Variants in FBXL7 observed in about 807,000 individuals in gnomAD.
FBXL7 encodes the protein F-box/LRR-repeat protein 7.
In FBXL7, 12 loss-of-function variants were observed where a neutral mutation model predicts 38.3. That is an observed-to-expected ratio of 0.31 (90% CI 0.20 to 0.51). The LOEUF (loss-of-function observed/expected upper bound fraction) is 0.51. Among genes scored for constraint, FBXL7 ranks in the 20% least tolerant of loss-of-function variants. FBXL7 has a pLI of 0.98. For synonymous variants in FBXL7, 297 were observed against 300.9 expected, an observed-to-expected ratio of 0.99 and a Z score of 0.13; for missense variants, 567 against 676.4, an observed-to-expected ratio of 0.84 and a Z score of 1.79.
chr5:15,637,328 T>C (rs1741219198), intron 2 of FBXL7, among the ~76,000 whole-genome samples: 1 of 152,118 alleles, frequency 6.6e-6, no homozygotes, highest in Non-Finnish European at 1.5e-5. Flanking sequence ...GAATACCACA[T>C]CTTTGGGGAT....
At chr5:15,757,191 T>C (rs1171663189) in intron 2 of FBXL7, among the ~76,000 whole-genome samples, 1 of 152,178 alleles carries the variant, frequency 6.6e-6, no homozygotes, top group African/African-American at 2.4e-5. Context: ...TCACAATCCT[T>C]TCATAGGAGA....
intron 2 of FBXL7, among the ~76,000 whole-genome samples, chr5:15,752,027 A>G (rs1401083336): frequency 1.3e-5 from 2 of 152,232 alleles, no homozygotes; most frequent in African/African-American, 4.8e-5. Context: ...CTCCTTTTGC[A>G]AAAGTTTGAA....
At position 15,927,882 on chromosome 5, in the gene FBXL7, T is replaced by A. The variant is rs369891871; in HGVS notation, c.128-8T>A. 1 of 1,515,496 alleles carries A rather than the reference T, an allele frequency of 6.6e-7. No homozygotes were observed. The highest frequency in any genetic ancestry group is 8.8e-7 in the Non-Finnish European group (1 of 1,131,838). 93.9% of individuals were successfully genotyped at this position (1,515,496 alleles called of 1,614,324 possible). On this transcript the variant is annotated splice_polypyrimidine_tract_variant and splice_region_variant and intron_variant, in intron 2 of 3. Coordinates refer to ENST00000504595, the MANE Select transcript of FBXL7 (RefSeq NM_012304.5). The stretch of plus-strand genomic sequence containing the variant: ...CATGATTAACCTTTGTTCTCTGTCC[T>A]TTGCCAGACTCCGACCTGAGCATGC...
chr5:15,540,209 T>C (rs564545423), intron 1 of FBXL7, among the ~76,000 whole-genome samples: 1 of 152,096 alleles, frequency 6.6e-6, no homozygotes, highest in African/African-American at 2.4e-5. Flanking sequence ...ATACCCAAGG[T>C]GTATATCACT....
chr5:15,917,931 C>T (rs1473648765), intron 2 of FBXL7, among the ~76,000 whole-genome samples: 1 of 152,112 alleles, frequency 6.6e-6, no homozygotes, highest in African/African-American at 2.4e-5. Flanking sequence ...AAACTTCCTG[C>T]TTTCCATTAA....
chr5:15,890,536 C>T (rs780508404), intron 2 of FBXL7, among the ~76,000 whole-genome samples: 42 of 152,258 alleles, frequency 2.8e-4, no homozygotes, highest in Non-Finnish European at 5.0e-4. Flanking sequence ...TCACCGTGCC[C>T]GGCTGGCTTT....
At chr5:15,742,106 TG>T (rs1735907761) in intron 2 of FBXL7, among the ~76,000 whole-genome samples, 1 of 152,226 alleles carries the variant, frequency 6.6e-6, no homozygotes. Context: ...TTTTTAGAGA[TG>T]TTTTTATCCA....
Position 15,776,803 on chromosome 5 carries a change from C to T in FBXL7, c.128-151087C>T, listed in dbSNP as rs539025564. On this transcript the variant is annotated intron_variant, in intron 2 of 3. Coordinates refer to ENST00000504595, the MANE Select transcript of FBXL7 (RefSeq NM_012304.5). ...AATATTCTTATGTTCATTGTTTATA[C>T]ATAACAATGGATAATGGTAACATTT... Among the ~76,000 whole-genome samples, 3 of 152,140 alleles carry T rather than the reference C, an allele frequency of 2.0e-5. No individual in the cohort carries two copies. In the South Asian group the frequency reaches 6.2e-4, roughly 32 times the overall value.
intron 1 of FBXL7, among the ~76,000 whole-genome samples, chr5:15,517,390 G>T (rs1186525151): frequency 1.3e-5 from 2 of 152,224 alleles, no homozygotes; most frequent in African/African-American, 4.8e-5. Flanking sequence ...CCTGGCCGTG[G>T]TGAGCTTTGG....
chr5:15,599,371 G>A (rs1021005549), intron 1 of FBXL7, among the ~76,000 whole-genome samples: 1 of 152,110 alleles, frequency 6.6e-6, no homozygotes, highest in African/African-American at 2.4e-5. Context: ...GTGTGTGTAT[G>A]TGTGTATGCA....
At chr5:15,622,609 A>G (rs939525443) in intron 2 of FBXL7, among the ~76,000 whole-genome samples, 9 of 152,332 alleles carry the variant, frequency 5.9e-5, no homozygotes, top group Non-Finnish European at 1.2e-4. Flanking sequence ...TACAAAGGAC[A>G]TGAACTCATC....
intron 2 of FBXL7, among the ~76,000 whole-genome samples, chr5:15,843,117 CTT>C (rs1295195183): frequency 1.3e-5 from 2 of 152,240 alleles, no homozygotes; most frequent in East Asian, 3.9e-4. Flanking sequence ...TTCTATCTCT[CTT>C]GTTTATTTCC....
chr5:15,889,339 A>T lies in FBXL7; in HGVS notation c.128-38551A>T, dbSNP rs1421785779. Among the ~76,000 whole-genome samples, 3 of 152,302 alleles carry T rather than the reference A, an allele frequency of 2.0e-5. No homozygotes were observed. In the East Asian group the frequency reaches 5.8e-4, roughly 29 times the overall value. Reference sequence around the variant, plus strand: ...TGGGATTAAGATTCCTTGCTGTGTGACTTACCGGAGTGCTCGAACATGACT... The same window carrying T: ...TGGGATTAAGATTCCTTGCTGTGTGTCTTACCGGAGTGCTCGAACATGACT... On this transcript the variant is annotated intron_variant, in intron 2 of 3. Coordinates refer to ENST00000504595, the MANE Select transcript of FBXL7 (RefSeq NM_012304.5).
chr5:15,850,093 C>G (rs936389369), intron 2 of FBXL7, among the ~76,000 whole-genome samples: 3 of 152,154 alleles, frequency 2.0e-5, no homozygotes, highest in Non-Finnish European at 4.4e-5. Context: ...TCTTAGATAT[C>G]CACACACTGT....
At chr5:15,603,076 A>G (rs1739855237) in intron 1 of FBXL7, among the ~76,000 whole-genome samples, 1 of 152,098 alleles carries the variant, frequency 6.6e-6, no homozygotes, top group Non-Finnish European at 1.5e-5. Context: ...CTGGCCTCAA[A>G]TGATCTTCCT....
chr5:15,715,026 C>CT (rs1051838025), intron 2 of FBXL7, among the ~76,000 whole-genome samples: 89 of 152,234 alleles, frequency 5.8e-4, no homozygotes, highest in African/African-American at 2.1e-3. Context: ...CCCTGAGCCT[C>CT]TAGAAGGAAC....
chr5:15,877,081 A>T (rs1740241402), intron 2 of FBXL7, among the ~76,000 whole-genome samples: 1 of 152,210 alleles, frequency 6.6e-6, no homozygotes, highest in Non-Finnish European at 1.5e-5. Flanking sequence ...ATCTGATCAC[A>T]TAGCTAGTTA....
intron 1 of FBXL7, among the ~76,000 whole-genome samples, chr5:15,579,852 C>T (rs1739080566): frequency 6.6e-6 from 1 of 152,112 alleles, no homozygotes; most frequent in Admixed American, 6.5e-5. Context: ...GCTACTTGGG[C>T]TTCCTCACAG....
chr5:15,847,712 A>G (rs1338586029), intron 2 of FBXL7, among the ~76,000 whole-genome samples: 1 of 152,172 alleles, frequency 6.6e-6, no homozygotes, highest in Non-Finnish European at 1.5e-5. Flanking sequence ...AGATTATCCA[A>G]GGAGGACCTG....
Sources: allele counts gnomAD v4.1 joint callset (sites outside exome capture counted in the v4.1 genomes callset), GRCh38; gene constraint gnomAD v4.1.1; transcripts MANE v1.5; gene names NCBI Gene and HGNC (gene_info 2026-07-23, HGNC 2026-07-21).